SOS1: variants seen among roughly 807,000 people sequenced by gnomAD.
SOS1 encodes son of sevenless homolog 1.
Under a neutral mutation model 157.6 loss-of-function variants are expected in SOS1, and 25 were observed. The observed-to-expected ratio is 0.16, with a 90% CI of 0.12 to 0.22. The LOEUF (loss-of-function observed/expected upper bound fraction) is 0.22, where lower values mean the gene tolerates loss of function less well. Among genes scored for constraint, SOS1 ranks in the 10% least tolerant of loss-of-function variants. The pLI is 1.00. For missense variants in SOS1, 1,237 were observed against 1,599.1 expected, an observed-to-expected ratio of 0.77 and a Z score of 3.86; for synonymous variants, 528 against 534.0, an observed-to-expected ratio of 0.99 and a Z score of 0.16.
chr2:39,057,419 A>G (rs1263453706), intron 3 of SOS1, among the ~76,000 whole-genome samples: 1 of 152,120 alleles, frequency 6.6e-6, no homozygotes, highest in East Asian at 1.9e-4. Context: ...GAAAATGTTA[A>G]ATAGCCCTAA....
At position 39,046,420 on chromosome 2, in the gene SOS1, A is replaced by G. The variant is rs147535027; in HGVS notation, c.864+4724T>C. Among the ~76,000 whole-genome samples the G allele has an allele frequency of 1.3e-3, 197 of 152,222 alleles. 1 individual carries two copies. Among genetic ancestry groups the G allele is most frequent in the East Asian group, 0.01 (54 of 5,192 alleles). ...CGAAAAACTTTAAACTTATTTTTAAAACTATTCAGCAATTCATTAAATTTA... is the reference window on the plus strand; with the variant it reads ...CGAAAAACTTTAAACTTATTTTTAAGACTATTCAGCAATTCATTAAATTTA... On this transcript the variant is annotated intron_variant, in intron 6 of 22. Coordinates refer to ENST00000402219, the MANE Select transcript of SOS1 (RefSeq NM_005633.4).
chr2:39,002,584 G>A (rs1050562075), intron 17 of SOS1, among the ~76,000 whole-genome samples: 21 of 152,158 alleles, frequency 1.4e-4, no homozygotes, highest in African/African-American at 4.3e-4. Flanking sequence ...AGCACCTGAC[G>A]TAGTCCTGGT....
At chr2:39,023,300 T>A in intron 9 of SOS1, 75 bp from the exon 10 acceptor site, 2 of 1,096,594 alleles carry the variant, frequency 1.8e-6, no homozygotes, top group African/African-American at 1.6e-5. Context: ...AGGGAAAGTG[T>A]AAAAGTAGAT....
chr2:39,112,083 C>T (rs191380116), intron 1 of SOS1, among the ~76,000 whole-genome samples: 1 of 152,264 alleles, frequency 6.6e-6, no homozygotes, highest in East Asian at 1.9e-4. Context: ...TCTAACTCAC[C>T]AAGATTTTGA....
Position 38,985,746 on chromosome 2 carries a change from A to C in SOS1, c.*78T>G. 6.5e-7 allele frequency: 1 copy of C among 1,545,998 alleles called. No homozygotes were observed. The highest frequency in any genetic ancestry group is 8.9e-7 in the Non-Finnish European group (1 of 1,121,040). ...TTTGGAGTTCTCATTTTAACTCCTC[A>C]GTGCTGGCACATTCAGTGCATCCAT... On this transcript the variant is annotated 3_prime_UTR_variant, in exon 23 of 23. Transcript: ENST00000402219.
chr2:39,112,213 T>C (rs536988292), intron 1 of SOS1, among the ~76,000 whole-genome samples: 1 of 152,120 alleles, frequency 6.6e-6, no homozygotes, highest in Admixed American at 6.5e-5. Context: ...TGCAACCAAC[T>C]GTCTTCTCTC....
chr2:38,986,865 C>T (rs941850714), intron 22 of SOS1, among the ~76,000 whole-genome samples: 6 of 152,106 alleles, frequency 3.9e-5, no homozygotes, highest in Admixed American at 3.3e-4. Flanking sequence ...ACTATGTTAA[C>T]ATTCATGAAG....
In SOS1 at chr2:38,996,910, A is replaced by G. The variant is rs1668913520; in HGVS notation, c.3081+12T>C. ...AGTAATGACATCACCAGACAAATAT[A>G]CAAATGCTTACAAATCTTGGGAGAG... On this transcript the variant is annotated intron_variant, in intron 19 of 22. Coordinates refer to ENST00000402219, the MANE Select transcript of SOS1 (RefSeq NM_005633.4). 7.7e-7 allele frequency: 1 copy of G among 1,305,474 alleles called. No homozygotes were observed. The highest frequency in any genetic ancestry group is 1.2e-5 in the South Asian group (1 of 84,758). 80.9% of individuals were successfully genotyped at this position (1,305,474 alleles called of 1,614,324 possible). A position where few individuals can be genotyped will look rare whatever the true frequency, so the allele number is the denominator to read the frequency against.
intron 2 of SOS1, among the ~76,000 whole-genome samples, chr2:39,064,739 TAC>T (rs1393039629): frequency 4.5e-4 from 52 of 115,894 alleles, no homozygotes; most frequent in African/African-American, 1.5e-3. Context: ...ATTTTTAAAA[TAC>T]ATTTTTTTTT....
chr2:39,065,907 G>C (rs994663601), intron 2 of SOS1, among the ~76,000 whole-genome samples: 8 of 152,258 alleles, frequency 5.3e-5, no homozygotes, highest in Non-Finnish European at 7.3e-5. Context: ...ATACCATCTT[G>C]ATGGGATTAT....
At chr2:39,053,281 T>C (rs1442246896) in intron 5 of SOS1, among the ~76,000 whole-genome samples, 1 of 152,184 alleles carries the variant, frequency 6.6e-6, no homozygotes, top group Non-Finnish European at 1.5e-5. Flanking sequence ...TTTGGTATTA[T>C]AAGTCATTTA....
intron 5 of SOS1, 67 bp downstream of exon 5, chr2:39,054,547 A>AAATTTGAAGTTGTACAGTTCATCATTACT: frequency 1.1e-6 from 1 of 925,090 alleles, no homozygotes; most frequent in Non-Finnish European, 1.8e-6. Context: ...GTACAACTTC[A>AAATTTGAAGTTGTACAGTTCATCATTACT]AATTTGAAGT....
At position 39,104,875 on chromosome 2, in the gene SOS1, G is replaced by C. The variant is rs964050029; in HGVS notation, c.87+15461C>G. 3.3e-5 allele frequency among the ~76,000 whole-genome samples: 5 copies of C among 152,168 alleles called. No homozygotes were observed. The East Asian group carries it at 9.6e-4, about 29-fold the overall frequency. On this transcript the variant is annotated intron_variant, in intron 1 of 22. Coordinates refer to ENST00000402219, the MANE Select transcript of SOS1 (RefSeq NM_005633.4). Reference sequence around the variant, plus strand: ...TATCTAGAAGAGGTAAATTGGTAGAGACAGAAAGTAGATTAGAAGTTACTA... The same window carrying C: ...TATCTAGAAGAGGTAAATTGGTAGACACAGAAAGTAGATTAGAAGTTACTA...
intron 1 of SOS1, among the ~76,000 whole-genome samples, chr2:39,078,858 G>C (rs994401750): frequency 1.3e-5 from 2 of 151,976 alleles, no homozygotes; most frequent in African/African-American, 4.8e-5. Context: ...TCAAGAGATC[G>C]AGATCATCCT....
intron 8 of SOS1, among the ~76,000 whole-genome samples, chr2:39,034,618 A>C (rs1301228656): frequency 2.0e-5 from 3 of 152,192 alleles, no homozygotes; most frequent in African/African-American, 7.2e-5. Flanking sequence ...AAAAGAGACA[A>C]CCCCTTTCCT....
intron 1 of SOS1, among the ~76,000 whole-genome samples, chr2:39,094,715 T>C (rs1399782144): frequency 6.6e-6 from 1 of 152,154 alleles, no homozygotes; most frequent in Non-Finnish European, 1.5e-5. Context: ...CCGAAAAACT[T>C]GAGAACTACT....
intron 1 of SOS1, among the ~76,000 whole-genome samples, chr2:39,103,717 A>G (rs1316233069): frequency 6.6e-6 from 1 of 152,254 alleles, no homozygotes; most frequent in East Asian, 1.9e-4. Context: ...GCAAATCCTC[A>G]TGACCTTGGA....
chr2:39,032,911 G>A (rs1670215818), intron 8 of SOS1, among the ~76,000 whole-genome samples: 1 of 152,042 alleles, frequency 6.6e-6, no homozygotes, highest in South Asian at 2.1e-4. Flanking sequence ...GTTGCAGTGA[G>A]CTGAGATCAT....
At chr2:39,075,944 T>G (rs10203565) in intron 1 of SOS1, among the ~76,000 whole-genome samples, 11,586 of 152,174 alleles carry the variant, frequency 0.076, 1,593 homozygotes, top group African/African-American at 0.27. Context: ...TTAAAGAAAT[T>G]GTATCAAAGG....
Sources: allele counts gnomAD v4.1 joint callset (sites outside exome capture counted in the v4.1 genomes callset), GRCh38; gene constraint gnomAD v4.1.1; transcripts MANE v1.5; gene names NCBI Gene and HGNC (gene_info 2026-07-23, HGNC 2026-07-21).